Variants in MACROD2 observed in about 807,000 individuals in gnomAD.
The protein encoded by MACROD2 is mono-ADP ribosylhydrolase 2, also known as ADP-ribose glycohydrolase MACROD2.
MACROD2 carries 36 observed loss-of-function variants against 70.4 expected under a neutral mutation model. The ratio of observed to expected loss-of-function variants is 0.51; its 90% CI spans 0.39 to 0.68. The LOEUF is 0.68. MACROD2 is among the 30% of genes least tolerant of loss of function. The probability of loss-of-function intolerance (pLI) is 0.00; values close to 1 mark genes in which losing one functional copy is unlikely to be tolerated. For synonymous variants in MACROD2, 172 were observed against 178.8 expected, an observed-to-expected ratio of 0.96 and a Z score of 0.30; for missense variants, 496 against 538.4, an observed-to-expected ratio of 0.92 and a Z score of 0.78.
At chr20:15,529,637 C>A (rs113522263) in intron 8 of MACROD2, among the ~76,000 whole-genome samples, 82 of 152,096 alleles carry the variant, frequency 5.4e-4, no homozygotes, top group African/African-American at 1.8e-3. Flanking sequence ...AAAAAAAAAT[C>A]TCTTAAAGTA....
intron 4 of MACROD2, among the ~76,000 whole-genome samples, chr20:14,648,585 A>G (rs922887892): frequency 1.6e-4 from 24 of 151,698 alleles, no homozygotes; most frequent in African/African-American, 5.6e-4. Flanking sequence ...GTCTACGTCT[A>G]CTTTCTCTCC....
At chr20:14,193,979 G>T (rs549811703) in intron 3 of MACROD2, among the ~76,000 whole-genome samples, 2 of 152,160 alleles carry the variant, frequency 1.3e-5, no homozygotes, top group Non-Finnish European at 2.9e-5. Context: ...TTGGAAGAAG[G>T]TCCAATTGAA....
chr20:14,248,130 A>G (rs185259228), intron 3 of MACROD2, among the ~76,000 whole-genome samples: 2 of 152,288 alleles, frequency 1.3e-5, no homozygotes, highest in African/African-American at 4.8e-5. Flanking sequence ...CTGACTAAAT[A>G]TAAGAAAATG....
At chr20:14,567,689 G>A (rs755335303) in intron 4 of MACROD2, among the ~76,000 whole-genome samples, 2 of 152,014 alleles carry the variant, frequency 1.3e-5, no homozygotes, top group Non-Finnish European at 2.9e-5. Flanking sequence ...ATTTTTGAAA[G>A]CCTGTTTATG....
At chr20:14,639,685 C>T (rs1984985748) in intron 4 of MACROD2, among the ~76,000 whole-genome samples, 1 of 152,152 alleles carries the variant, frequency 6.6e-6, no homozygotes, top group African/African-American at 2.4e-5. Context: ...TTGCAGTTCA[C>T]AGTCCTTTAG....
intron 3 of MACROD2, among the ~76,000 whole-genome samples, chr20:14,155,633 T>C (rs1244965833): frequency 5.3e-5 from 8 of 152,188 alleles, no homozygotes; most frequent in Non-Finnish European, 8.8e-5. Context: ...TCCTGGCTTT[T>C]TTAATCTTAA....
At chr20:14,450,819 G>A (rs988898349) in intron 3 of MACROD2, among the ~76,000 whole-genome samples, 1 of 152,004 alleles carries the variant, frequency 6.6e-6, no homozygotes, top group Non-Finnish European at 1.5e-5. Context: ...AGGTGGGGAC[G>A]AATTCCGAAT....
chr20:14,341,639 A>AAAAAG (rs1174662105), intron 3 of MACROD2, among the ~76,000 whole-genome samples: 3 of 152,216 alleles, frequency 2.0e-5, no homozygotes, highest in African/African-American at 7.2e-5. Context: ...ACTCCATCTC[A>AAAAAG]AAAAGAAAAG....
chr20:15,829,565 C>T (rs892214254), intron 8 of MACROD2, among the ~76,000 whole-genome samples: 1 of 152,140 alleles, frequency 6.6e-6, no homozygotes, highest in Non-Finnish European at 1.5e-5. Context: ...CAAGTAGGCT[C>T]CAGTTGGTTC....
chr20:16,025,340 G>A lies in MACROD2; in HGVS notation c.1154-15861G>A, dbSNP rs973266508. Reference sequence around the variant, plus strand: ...GCAGCCTGAGATATGAGGCAAGGAGGCAAAGCCCAAACAGAGGGCAAAGAA... The same window carrying A: ...GCAGCCTGAGATATGAGGCAAGGAGACAAAGCCCAAACAGAGGGCAAAGAA... On this transcript the variant is annotated intron_variant, in intron 15 of 17. Transcript: ENST00000684519. Among the ~76,000 whole-genome samples, 17 of 152,204 alleles carry A rather than the reference G, an allele frequency of 1.1e-4. 1 individual carries two copies. The highest frequency in any genetic ancestry group is 4.6e-4 in the Admixed American group (7 of 15,286).
chr20:14,745,132 A>G (rs1245334950), intron 5 of MACROD2, among the ~76,000 whole-genome samples: 3 of 152,140 alleles, frequency 2.0e-5, no homozygotes, highest in Non-Finnish European at 4.4e-5. Flanking sequence ...AAATTGGACT[A>G]GGGACTTCCT....
chr20:15,577,327 C>T (rs2048462636), intron 8 of MACROD2, among the ~76,000 whole-genome samples: 1 of 152,050 alleles, frequency 6.6e-6, no homozygotes, highest in African/African-American at 2.4e-5. Context: ...TCTACCCCAA[C>T]CCCACCCTGC....
intron 3 of MACROD2, among the ~76,000 whole-genome samples, chr20:14,421,324 C>T (rs2083874053): frequency 1.3e-5 from 2 of 152,298 alleles, no homozygotes. Context: ...AAATCACCAG[C>T]AGAAACCTTT....
intron 4 of MACROD2, among the ~76,000 whole-genome samples, chr20:14,630,322 C>A (rs1013817357): frequency 6.6e-6 from 1 of 152,110 alleles, no homozygotes; most frequent in African/African-American, 2.4e-5. Flanking sequence ...GCATCTACAC[C>A]GATTTCTATA....
chr20:15,001,972 CAT>C (rs1479146034), intron 5 of MACROD2, among the ~76,000 whole-genome samples: 2 of 150,100 alleles, frequency 1.3e-5, no homozygotes, highest in Non-Finnish European at 3.0e-5. Flanking sequence ...CACACACACA[CAT>C]ATACACACAC....
chr20:14,634,574 C>T (rs1284225947), intron 4 of MACROD2, among the ~76,000 whole-genome samples: 2 of 121,644 alleles, frequency 1.6e-5, no homozygotes, highest in Non-Finnish European at 3.2e-5. Flanking sequence ...ATTTATTTTC[C>T]TATATGGTCC....
At chr20:16,030,933 G>A (rs749084988) in intron 15 of MACROD2, among the ~76,000 whole-genome samples, 21 of 152,018 alleles carry the variant, frequency 1.4e-4, no homozygotes, top group African/African-American at 4.1e-4. Flanking sequence ...CAGAAATCTC[G>A]TCCTGAAACA....
chr20:15,510,239 A>G (rs973676369), intron 8 of MACROD2, among the ~76,000 whole-genome samples: 17 of 152,358 alleles, frequency 1.1e-4, no homozygotes, highest in African/African-American at 3.6e-4. Flanking sequence ...TGTGGTTGGA[A>G]CTACATCAGA....
In MACROD2 at chr20:14,154,246, C is replaced by T. The variant is rs145541330; in HGVS notation, c.271+68518C>T. 2.6e-4 allele frequency among the ~76,000 whole-genome samples: 39 copies of T among 152,082 alleles called. No individual in the cohort carries two copies. The East Asian group carries it at 3.5e-3, about 14-fold the overall frequency. The stretch of plus-strand genomic sequence containing the variant: ...TGGGTCCTTTTCTCATTATTCCTGA[C>T]GAGTGTACTGGGCAGCTTTTGTTGC... On this transcript the variant is annotated intron_variant, in intron 3 of 17. Coordinates refer to ENST00000684519, the MANE Select transcript of MACROD2 (RefSeq NM_001351661.2).
Sources: allele counts gnomAD v4.1 joint callset (sites outside exome capture counted in the v4.1 genomes callset), GRCh38; gene constraint gnomAD v4.1.1; transcripts MANE v1.5; gene names NCBI Gene and HGNC (gene_info 2026-07-23, HGNC 2026-07-21).